CALHM4: variants seen among roughly 807,000 people sequenced by gnomAD.
The protein encoded by CALHM4 is calcium homeostasis modulator protein 4.
Under a neutral mutation model 13.3 loss-of-function variants are expected in CALHM4, and 16 were observed. The observed-to-expected ratio is 1.20, with a 90% CI of 0.81 to 1.82. CALHM4 has a LOEUF of 1.82. Among genes scored for constraint, CALHM4 ranks in the 40% most tolerant of loss-of-function variants. The pLI, the probability that CALHM4 is intolerant of heterozygous loss-of-function variation, is 0.00. For missense variants in CALHM4, 344 were observed against 374.9 expected, an observed-to-expected ratio of 0.92 and a Z score of 0.68; for synonymous variants, 127 against 137.1, an observed-to-expected ratio of 0.93 and a Z score of 0.52.
intron 1 of CALHM4, among the ~76,000 whole-genome samples, chr6:116,533,601 CTCATGCCT>C (rs1211670671): frequency 6.6e-6 from 1 of 152,218 alleles, no homozygotes; most frequent in Non-Finnish European, 1.5e-5. Flanking sequence ...GTTGGCTCGG[CTCATGCCT>C]TCTGTACTGG....
At chr6:116,540,305 A>G (rs963805663) in intron 1 of CALHM4, 5 of 1,486,452 alleles carry the variant, frequency 3.4e-6, no homozygotes, top group Non-Finnish European at 3.7e-6. Context: ...AAACCACCAT[A>G]CTCAAAAAGA....
At chr6:116,551,384 A>G (rs1774072081), upstream of CALHM4, among the ~76,000 whole-genome samples, 1 of 152,122 alleles carries the variant, frequency 6.6e-6, no homozygotes, top group South Asian at 2.1e-4. Flanking sequence ...ATTAATTTAC[A>G]TTTCCTAGAA....
chr6:116,537,395 C>T (rs915430536), intron 1 of CALHM4, among the ~76,000 whole-genome samples: 3 of 152,100 alleles, frequency 2.0e-5, no homozygotes, highest in African/African-American at 4.8e-5. Context: ...ATTAGGAGGT[C>T]AAATTTCGTT....
intron 2 of CALHM4, among the ~76,000 whole-genome samples, chr6:116,544,151 AAGAGAG>A (rs141606346): frequency 4.5e-4 from 60 of 133,012 alleles, no homozygotes; most frequent in Admixed American, 3.1e-3. Context: ...AAAGGTGAAG[AAGAGAG>A]AGAGAGAGAG....
At position 116,558,579 on chromosome 6, in the gene CALHM4, T is replaced by C. The variant is rs753928717; in HGVS notation, c.*368T>C. 4 of 172,022 alleles carry C rather than the reference T, an allele frequency of 2.3e-5. 1 individual carries two copies. Among genetic ancestry groups the C allele is most frequent in the South Asian group, 3.1e-4 (2 of 6,392 alleles). 10.7% of individuals were successfully genotyped at this position (172,022 alleles called of 1,614,324 possible). On this transcript the variant is annotated 3_prime_UTR_variant, in exon 2 of 2. Coordinates refer to ENST00000368596, the MANE Select transcript of CALHM4 (RefSeq NM_001366078.2). The stretch of plus-strand genomic sequence containing the variant: ...GAATTAAACATGATAATACAAAGTG[T>C]TTAGCACAGTGTCTTTCATAAAAAT...
chr6:116,551,113 T>TGCTTCCTTC (rs1774060327), upstream of CALHM4, among the ~76,000 whole-genome samples: 1 of 152,184 alleles, frequency 6.6e-6, no homozygotes, highest in Non-Finnish European at 1.5e-5. Context: ...AAGGCTCTAG[T>TGCTTCCTTC]TAGGCTTTCC....
At position 116,543,873 on chromosome 6, in the gene CALHM4, G is replaced by A. The variant is rs1026603906; in HGVS notation, c.-1+1G>A. The A allele has an allele frequency of 3.3e-6, 5 of 1,531,852 alleles. No individual in the cohort carries two copies. In the African/African-American group the frequency reaches 4.1e-5, roughly 13 times the overall value. 94.9% of individuals were successfully genotyped at this position (1,531,852 alleles called of 1,614,324 possible). ...TAAACCCAAATGTAGCAGCAAATTT[G>A]TGAGTTTCTTTTCTTTTTACTTAGA... On this transcript the variant is annotated splice_donor_variant, in intron 2 of 2. Transcript: ENST00000368597. LOFTEE classifies it low-confidence loss of function (5UTR_SPLICE).
At chr6:116,543,478 T>C in intron 1 of CALHM4, 1 of 1,218,504 alleles carries the variant, frequency 8.2e-7, no homozygotes, top group Non-Finnish European at 1.1e-6. Context: ...TTATAAAATC[T>C]GGTTTGAAGT....
At chr6:116,532,803 A>T (rs1434528442) in intron 1 of CALHM4, among the ~76,000 whole-genome samples, 1 of 152,232 alleles carries the variant, frequency 6.6e-6, no homozygotes, top group African/African-American at 2.4e-5. Context: ...GCAGACTTAC[A>T]TTGCTCTGCT....
rs536496434 is a variant in CALHM4 at position 116,547,706 on chromosome 6, C to T, written c.-1+3834C>T. On this transcript the variant is annotated intron_variant, in intron 2 of 2. Coordinates refer to the CALHM4 transcript ENST00000368597. ...GAAAGCACAGAGATGATGTTTCAAG[C>T]GGGTACATGATCTATAATGTCTGCC... 2.2e-4 allele frequency among the ~76,000 whole-genome samples: 34 copies of T among 152,300 alleles called. No individual in the cohort carries two copies. The South Asian group carries it at 4.4e-3, about 20-fold the overall frequency.
chr6:116,549,014 GT>G (rs1186035132), upstream of CALHM4, among the ~76,000 whole-genome samples: 1 of 152,168 alleles, frequency 6.6e-6, no homozygotes, highest in Non-Finnish European at 1.5e-5. Context: ...GCCAGGCATG[GT>G]GGTTCACGTC....
At chr6:116,546,181 T>C (rs1773769397) in intron 2 of CALHM4, among the ~76,000 whole-genome samples, 1 of 152,206 alleles carries the variant, frequency 6.6e-6, no homozygotes, top group Admixed American at 6.5e-5. Flanking sequence ...CAATATTTTC[T>C]TACAAAACTG....
Position 116,558,260 on chromosome 6 carries a change from A to C in CALHM4, c.*49A>C, listed in dbSNP as rs749986429. 1 of 1,538,942 alleles carries C rather than the reference A, an allele frequency of 6.5e-7. No homozygotes were observed. The highest frequency in any genetic ancestry group is 2.3e-5 in the East Asian group (1 of 44,252). On this transcript the variant is annotated 3_prime_UTR_variant, in exon 2 of 2. Coordinates refer to ENST00000368596, the MANE Select transcript of CALHM4 (RefSeq NM_001366078.2). ...GTTGCTTAGCAGATACTTGGCTTTT[A>C]TGGCTTTTATGATCAGGCCATTTCA...
At chr6:116,535,923 A>G (rs984685201) in intron 1 of CALHM4, among the ~76,000 whole-genome samples, 10 of 152,210 alleles carry the variant, frequency 6.6e-5, no homozygotes, top group African/African-American at 2.4e-4. Context: ...TCTATCAGTA[A>G]AATGGGGCTA....
intron 1 of CALHM4, among the ~76,000 whole-genome samples, chr6:116,541,504 T>C (rs1276015576): frequency 1.3e-5 from 2 of 152,130 alleles, no homozygotes; most frequent in Non-Finnish European, 2.9e-5. Context: ...CTTTGGTGAC[T>C]AGGTGGTTGG....
At chr6:116,534,890 C>G (rs1036790209) in intron 1 of CALHM4, among the ~76,000 whole-genome samples, 1 of 152,046 alleles carries the variant, frequency 6.6e-6, no homozygotes, top group Non-Finnish European at 1.5e-5. Flanking sequence ...TTTTTTAAGT[C>G]TTTTTATGCT....
intron 1 of CALHM4, chr6:116,543,743 T>G: frequency 4.7e-6 from 6 of 1,283,548 alleles, no homozygotes; most frequent in Middle Eastern, 1.8e-4. Context: ...TTTTCTAAAA[T>G]ATATGCCATC....
At chr6:116,549,972 A>C (rs1773976488), upstream of CALHM4, among the ~76,000 whole-genome samples, 1 of 111,584 alleles carries the variant, frequency 9.0e-6, no homozygotes, top group African/African-American at 3.4e-5. Context: ...GCAAAACTCC[A>C]TCTTAAATTA....
upstream of CALHM4, chr6:116,553,703 T>C (rs1209494005): frequency 8.4e-7 from 1 of 1,194,860 alleles, no homozygotes; most frequent in Non-Finnish European, 1.2e-6. Flanking sequence ...CACAACCAGT[T>C]AAACCAGTAA....
Sources: allele counts gnomAD v4.1 joint callset (sites outside exome capture counted in the v4.1 genomes callset), GRCh38; gene constraint gnomAD v4.1.1; transcripts MANE v1.5; gene names NCBI Gene and HGNC (gene_info 2026-07-23, HGNC 2026-07-21).